The following EDAR variants were observed in gnomAD, a reference collection of about 807,000 sequenced individuals.
EDAR encodes ectodysplasin A receptor.
In EDAR, 38 loss-of-function variants were observed where a neutral mutation model predicts 51.3. The ratio of observed to expected loss-of-function variants is 0.74; its 90% CI spans 0.57 to 0.97. EDAR has a LOEUF of 0.97. Among genes scored for constraint, EDAR ranks in the 50% least tolerant of loss-of-function variants. The pLI is 0.00. For missense variants in EDAR, 528 were observed against 595.0 expected (o/e 0.89, Z 1.17); for synonymous variants, 227 against 242.1 (o/e 0.94, Z 0.58).
intron 1 of EDAR, among the ~76,000 whole-genome samples, chr2:108,945,699 A>G (rs1339725719): frequency 1.3e-5 from 2 of 152,274 alleles, no homozygotes; most frequent in East Asian, 1.9e-4. Context: ...AGTATGGCAT[A>G]TGCACACAAT....
chr2:108,949,578 A>G (rs1341619083), intron 1 of EDAR, among the ~76,000 whole-genome samples: 1 of 152,212 alleles, frequency 6.6e-6, no homozygotes, highest in African/African-American at 2.4e-5. Context: ...TAATTGCATC[A>G]TAAAATCTTT....
rs11346592 is a variant in EDAR, at chr2:108,974,329, C to CA, written c.-19+14630dup. The stretch of plus-strand genomic sequence containing the variant: ...TGGGAGACAGAGCGAGGATCCGTCT[C>CA]AAAAAAAAAAAAAAAAAAAAAAAAA... On this transcript the variant is annotated intron_variant, in intron 1 of 11. Coordinates refer to ENST00000258443, the MANE Select transcript of EDAR (RefSeq NM_022336.4). 6.5e-3 allele frequency among the ~76,000 whole-genome samples: 400 copies of CA among 61,460 alleles called. 12 individuals carry two copies. The East Asian group carries it at 0.088, about 14-fold the overall frequency. The allele number at this position is 61,460 out of a possible 152,430, so 40.3% of individuals were successfully genotyped here.
At chr2:108,975,759 G>A (rs1262264492) in intron 1 of EDAR, among the ~76,000 whole-genome samples, 3 of 152,144 alleles carry the variant, frequency 2.0e-5, no homozygotes, top group African/African-American at 7.2e-5. Flanking sequence ...GCAAGAGAAG[G>A]GTGGCACTGT....
At chr2:108,954,390 T>C (rs1697880799) in intron 1 of EDAR, among the ~76,000 whole-genome samples, 1 of 152,226 alleles carries the variant, frequency 6.6e-6, no homozygotes, top group African/African-American at 2.4e-5. Context: ...ACAGACATTC[T>C]GCAGCCTACC....
intron 5 of EDAR, among the ~76,000 whole-genome samples, chr2:108,922,078 G>T (rs981137261): frequency 6.6e-6 from 1 of 152,338 alleles, no homozygotes; most frequent in East Asian, 1.9e-4. Flanking sequence ...CGCCCCTGCC[G>T]TGACTCAAGT....
intron 5 of EDAR, among the ~76,000 whole-genome samples, chr2:108,921,985 C>T (rs763133732): frequency 2.0e-5 from 3 of 152,182 alleles, no homozygotes; most frequent in Non-Finnish European, 2.9e-5. Flanking sequence ...GAGTGGGGTG[C>T]GCTCATCTTT....
chr2:108,902,185 G>C (rs1696713307), intron 11 of EDAR, among the ~76,000 whole-genome samples: 1 of 151,482 alleles, frequency 6.6e-6, no homozygotes, highest in Non-Finnish European at 1.5e-5. Context: ...TTGCCAGCCT[G>C]GGACAGAGTG....
At chr2:108,924,980 C>T (rs1182664161) in intron 4 of EDAR, among the ~76,000 whole-genome samples, 2 of 152,236 alleles carry the variant, frequency 1.3e-5, no homozygotes, top group Non-Finnish European at 2.9e-5. Context: ...CCTAGGTGGC[C>T]ACCTGCTCCC....
intron 4 of EDAR, among the ~76,000 whole-genome samples, chr2:108,925,817 T>C (rs1697242844): frequency 6.6e-6 from 1 of 152,128 alleles, no homozygotes; most frequent in South Asian, 2.1e-4. Flanking sequence ...GGGTTTCACC[T>C]GTTGGCCAGG....
At chr2:108,929,706 AC>A (rs771632678) in intron 3 of EDAR, among the ~76,000 whole-genome samples, 3 of 152,186 alleles carry the variant, frequency 2.0e-5, no homozygotes, top group Non-Finnish European at 4.4e-5. Flanking sequence ...AGAACCGGAC[AC>A]TGAAACCCCG....
chr2:108,910,358 C>T, intron 9 of EDAR, 102 bp downstream of exon 9: 1 of 952,004 alleles, frequency 1.1e-6, no homozygotes, highest in East Asian at 2.4e-5. Flanking sequence ...CCATAGTGTC[C>T]CAGGCTAGCC....
intron 1 of EDAR, among the ~76,000 whole-genome samples, chr2:108,966,278 A>G (rs1698149447): frequency 6.6e-6 from 1 of 152,232 alleles, no homozygotes; most frequent in Non-Finnish European, 1.5e-5. Context: ...TCTATTATCA[A>G]TATTTTAAAG....
chr2:108,924,623 G>A (rs929894201), intron 4 of EDAR, among the ~76,000 whole-genome samples: 18 of 152,180 alleles, frequency 1.2e-4, no homozygotes, highest in African/African-American at 4.1e-4. Flanking sequence ...ACGGGGGTCT[G>A]TGGGCTCCTG....
intron 1 of EDAR, among the ~76,000 whole-genome samples, chr2:108,978,755 A>G (rs1473993387): frequency 6.6e-6 from 1 of 152,198 alleles, no homozygotes; most frequent in East Asian, 1.9e-4. Context: ...TTTGGTATGG[A>G]GACAGTCTAT....
At position 108,932,386 on chromosome 2, in the gene EDAR, G is replaced by A. The variant is rs149850405; in HGVS notation, c.-18-1354C>T. 8.0e-3 allele frequency among the ~76,000 whole-genome samples: 1,210 copies of A among 151,870 alleles called. 9 individuals are homozygous for A. Among genetic ancestry groups the A allele is most frequent in the South Asian group, 0.029 (139 of 4,784 alleles). ...TACTAAAAATACAAAAAAATTACCC[G>A]GGCATGGTGGTGGGCACCTGTAGTC... On this transcript the variant is annotated intron_variant, in intron 1 of 11. Transcript: ENST00000258443.
At chr2:108,897,339 A>T in intron 11 of EDAR, 110 bp from the exon 12 acceptor site, 1 of 1,113,494 alleles carries the variant, frequency 9.0e-7, no homozygotes, top group Non-Finnish European at 1.3e-6. Context: ...AATTTTTTTA[A>T]AATTATAAAA....
intron 5 of EDAR, among the ~76,000 whole-genome samples, chr2:108,918,957 G>C (rs938629537): frequency 2.6e-5 from 4 of 152,154 alleles, no homozygotes; most frequent in Non-Finnish European, 4.4e-5. Context: ...GGGCAGACTC[G>C]CAGAGACTCT....
At chr2:108,919,783 T>A (rs1218044423) in intron 5 of EDAR, among the ~76,000 whole-genome samples, 2 of 151,986 alleles carry the variant, frequency 1.3e-5, no homozygotes, top group Admixed American at 6.5e-5. Flanking sequence ...GTGGGGCACC[T>A]GCCCTCTCCC....
At chr2:108,900,342 G>A (rs1171759365) in intron 11 of EDAR, among the ~76,000 whole-genome samples, 1 of 152,172 alleles carries the variant, frequency 6.6e-6, no homozygotes, top group African/African-American at 2.4e-5. Context: ...GATTAGCTGA[G>A]GTCAGGAGTT....
Sources: allele counts gnomAD v4.1 joint callset (sites outside exome capture counted in the v4.1 genomes callset), GRCh38; gene constraint gnomAD v4.1.1; transcripts MANE v1.5; gene names NCBI Gene and HGNC (gene_info 2026-07-23, HGNC 2026-07-21).